TRPM3: variants seen among roughly 807,000 people sequenced by gnomAD.
The protein encoded by TRPM3 is long transient receptor potential channel 3.
Under a neutral mutation model 181.2 loss-of-function variants are expected in TRPM3, and 77 were observed. The ratio of observed to expected loss-of-function variants is 0.42; its 90% CI spans 0.35 to 0.51. The LOEUF is 0.51. TRPM3 is among the 20% of genes least tolerant of loss of function. TRPM3 has a pLI of 0.01. For synonymous variants in TRPM3, 745 were observed against 796.4 expected, an observed-to-expected ratio of 0.94 and a Z score of 1.09; for missense variants, 1,759 against 2,196.7, an observed-to-expected ratio of 0.80 and a Z score of 3.98.
chr9:70,746,462 A>T (rs1157239330), intron 8 of TRPM3, among the ~76,000 whole-genome samples: 1 of 152,110 alleles, frequency 6.6e-6, no homozygotes, highest in African/African-American at 2.4e-5. Context: ...ACTGGGAGGT[A>T]GTGGAGTTGG....
At chr9:71,373,899 C>A (rs779658874) in intron 1 of TRPM3, among the ~76,000 whole-genome samples, 2 of 152,172 alleles carry the variant, frequency 1.3e-5, no homozygotes, top group Non-Finnish European at 2.9e-5. Context: ...AAACTGAATC[C>A]AGCAGCACAT....
chr9:70,646,178 G>A (rs2058812434), intron 9 of TRPM3, among the ~76,000 whole-genome samples: 1 of 152,150 alleles, frequency 6.6e-6, no homozygotes, highest in Admixed American at 6.5e-5. Context: ...ATTCCTCAAG[G>A]ATCTAGAACC....
At chr9:70,756,306 T>C (rs960986803) in intron 8 of TRPM3, among the ~76,000 whole-genome samples, 1 of 151,762 alleles carries the variant, frequency 6.6e-6, no homozygotes, top group Non-Finnish European at 1.5e-5. Context: ...CCTAAATATA[T>C]ATGCACCCAA....
At chr9:70,765,895 C>T (rs985552729) in intron 7 of TRPM3, among the ~76,000 whole-genome samples, 2 of 152,096 alleles carry the variant, frequency 1.3e-5, no homozygotes, top group African/African-American at 4.8e-5. Flanking sequence ...CTTTTTATGG[C>T]ACTAGAATAT....
At chr9:70,634,785 G>A (rs948333589) in intron 12 of TRPM3, among the ~76,000 whole-genome samples, 4 of 152,086 alleles carry the variant, frequency 2.6e-5, no homozygotes, top group Non-Finnish European at 5.9e-5. Context: ...AGAAAATTTG[G>A]AGCTATGCTT....
At chr9:71,383,697 G>T (rs1332044126) in intron 1 of TRPM3, among the ~76,000 whole-genome samples, 2 of 152,030 alleles carry the variant, frequency 1.3e-5, no homozygotes, top group Admixed American at 1.3e-4. Context: ...TTATAGTTTT[G>T]TAAGTTGTAC....
intron 1 of TRPM3, among the ~76,000 whole-genome samples, chr9:71,213,553 T>A (rs117108716): frequency 1.3e-5 from 2 of 152,202 alleles, no homozygotes; most frequent in Non-Finnish European, 2.9e-5. Flanking sequence ...AAGGGAGAGA[T>A]ATGACAGAAA....
At chr9:71,404,889 C>A (rs1285352241) in intron 1 of TRPM3, among the ~76,000 whole-genome samples, 1 of 152,178 alleles carries the variant, frequency 6.6e-6, no homozygotes, top group African/African-American at 2.4e-5. Context: ...TCATTCAACA[C>A]CTAGAAAATA....
intron 1 of TRPM3, among the ~76,000 whole-genome samples, chr9:71,032,038 ATAT>A (rs1452133218): frequency 0.055 from 66 of 1,208 alleles, 10 homozygotes; most frequent in South Asian, 0.1. Context: ...ATATAAATAT[ATAT>A]ATATATATTA....
chr9:71,040,361 C>T (rs1033787846), intron 1 of TRPM3, among the ~76,000 whole-genome samples: 7 of 152,276 alleles, frequency 4.6e-5, no homozygotes, highest in African/African-American at 1.4e-4. Flanking sequence ...TGTTCATCAA[C>T]GTGGTATTGC....
At position 70,980,066 on chromosome 9, in the gene TRPM3, T is replaced by TACAC. The variant is rs1564893874; in HGVS notation, c.178-115556_178-115555insGTGT. On this transcript the variant is annotated intron_variant, in intron 1 of 25. Coordinates refer to ENST00000677713, the MANE Select transcript of TRPM3 (RefSeq NM_001366145.2). ...CAGCATGTGTGGCCATGCATGTGCG[T>TACAC]GCACACACACACACACACACACACA... Among the ~76,000 whole-genome samples the TACAC allele has an allele frequency of 9.5e-3, 63 of 6,654 alleles. 2 individuals are homozygous for TACAC. The highest frequency in any genetic ancestry group is 0.049 in the African/African-American group (62 of 1,254). The allele number at this position is 6,654 out of a possible 152,430, so 4.4% of individuals were successfully genotyped here.
At chr9:70,785,117 T>A (rs1588304564) in intron 6 of TRPM3, among the ~76,000 whole-genome samples, 1 of 152,184 alleles carries the variant, frequency 6.6e-6, no homozygotes, top group East Asian at 1.9e-4. Context: ...TTATTGCATC[T>A]GCCACTACTG....
chr9:71,346,192 A>C (rs2091281300), intron 1 of TRPM3, among the ~76,000 whole-genome samples: 1 of 152,242 alleles, frequency 6.6e-6, no homozygotes, highest in South Asian at 2.1e-4. Flanking sequence ...GCCACTCAAC[A>C]ATAAAAAGAA....
intron 1 of TRPM3, among the ~76,000 whole-genome samples, chr9:71,427,318 G>A (rs552897789): frequency 5.0e-4 from 76 of 152,180 alleles, no homozygotes; most frequent in South Asian, 2.7e-3. Flanking sequence ...CTGGAAACTT[G>A]TTAAAAATGC....
chr9:71,222,205 G>A (rs572489304), intron 1 of TRPM3, among the ~76,000 whole-genome samples: 42 of 152,210 alleles, frequency 2.8e-4, no homozygotes, highest in African/African-American at 4.8e-4. Flanking sequence ...TAATAAATCC[G>A]TTTTTTCTAT....
At chr9:71,121,648 C>T, upstream of TRPM3, 1 of 1,155,508 alleles carries the variant, frequency 8.7e-7, no homozygotes. Flanking sequence ...GCTCTCCTCC[C>T]AGTAAACGCA....
At chr9:70,751,999 A>AGTGTGTATGTGT (rs57794545) in intron 8 of TRPM3, among the ~76,000 whole-genome samples, 4,191 of 103,568 alleles carry the variant, frequency 0.04, 82 homozygotes, top group Non-Finnish European at 0.054. Context: ...ACATCTCAAC[A>AGTGTGTATGTGT]GTGTGTGTGT....
At chr9:70,692,069 C>T (rs1387599623) in intron 8 of TRPM3, among the ~76,000 whole-genome samples, 1 of 152,152 alleles carries the variant, frequency 6.6e-6, no homozygotes, top group Non-Finnish European at 1.5e-5. Context: ...GCGGGGCTTT[C>T]TTTTTTCCCC....
At chr9:71,395,532 A>G (rs185295575) in intron 1 of TRPM3, among the ~76,000 whole-genome samples, 1 of 152,342 alleles carries the variant, frequency 6.6e-6, no homozygotes, top group Admixed American at 6.5e-5. Flanking sequence ...AGTTAACTTT[A>G]ACTTCATGTA....
Sources: gnomAD v4.1 joint callset for allele counts (sites outside exome capture counted in the v4.1 genomes callset) on GRCh38, gnomAD v4.1.1 for gene constraint, MANE v1.5 for transcripts, NCBI Gene and HGNC (gene_info 2026-07-23, HGNC 2026-07-21) for gene names.